Variants in ITIH4 observed in about 807,000 individuals in gnomAD.
ITIH4 encodes the protein inter-alpha-trypsin inhibitor heavy chain H4.
A neutral mutation model predicts 111.8 loss-of-function variants in ITIH4; 79 were observed. That is an observed-to-expected ratio of 0.71 (90% CI 0.59 to 0.85). ITIH4 has a LOEUF of 0.85. ITIH4 is among the 40% of genes least tolerant of loss of function. The probability of loss-of-function intolerance (pLI) is 0.00; values close to 1 mark genes in which losing one functional copy is unlikely to be tolerated. For synonymous variants in ITIH4, 472 were observed against 468.3 expected (o/e 1.01, Z -0.10); for missense variants, 1,065 against 1,195.8 (o/e 0.89, Z 1.61).
At position 52,827,178 on chromosome 3, in the gene ITIH4, AG is replaced by A; in HGVS notation, c.270del (p.Tyr91ThrfsTer71). On this transcript the variant is annotated frameshift_variant, in exon 3 of 24. Coordinates refer to ENST00000266041, the MANE Select transcript of ITIH4 (RefSeq NM_002218.5). LOFTEE classifies it high-confidence loss of function. ...TNFSMIIDGM[T>X]YPGIIKEKAE... ...GCCTTCTCCTTGATGATCCCTGGGTAGGTCATGCCATCGATGATCCTGGGGG... is the reference window on the plus strand; with the variant it reads ...GCCTTCTCCTTGATGATCCCTGGGTAGTCATGCCATCGATGATCCTGGGGG... 6.2e-7 allele frequency: 1 copy of A among 1,614,056 alleles called. No individual in the cohort carries two copies. The highest frequency in any genetic ancestry group is 2.2e-5 in the East Asian group (1 of 44,874).
In ITIH4 at chr3:52,819,447, G is replaced by A; in HGVS notation, c.2023C>T (p.Pro675Ser). 1 of 1,614,144 alleles carries A rather than the reference G, an allele frequency of 6.2e-7. No homozygotes were observed. The highest frequency in any genetic ancestry group is 2.2e-5 in the East Asian group (1 of 44,874). Residue 675 changes from proline (P) to serine (S), a missense_variant, in exon 17 of 24, where the codon CCT (proline) becomes TCT (serine). Pro to Ser is a moderately conservative substitution (Grantham distance 74). Transcript: ENST00000266041. ...LSSRQLGLPG[P>S]PDVPDHAAYH... ...GCAGCATGGTCAGGAACATCAGGAGGTCCTGGGAGTCCAAGTTGCCTGGAG... is the reference window on the plus strand; with the variant it reads ...GCAGCATGGTCAGGAACATCAGGAGATCCTGGGAGTCCAAGTTGCCTGGAG...
chr3:52,815,730 T>C (rs1700270104), intron 21 of ITIH4, among the ~76,000 whole-genome samples: 1 of 152,074 alleles, frequency 6.6e-6, no homozygotes. Context: ...TCTCACTCTG[T>C]TGCCCAGGCT....
chr3:52,828,203 G>A (rs1700515323), intron 2 of ITIH4, among the ~76,000 whole-genome samples: 1 of 152,240 alleles, frequency 6.6e-6, no homozygotes, highest in Admixed American at 6.5e-5. Flanking sequence ...GCAAGTGACA[G>A]TCTTGGGCTC....
At position 52,825,893 on chromosome 3, in the gene ITIH4, G is replaced by A; in HGVS notation, c.752C>T (p.Ser251Phe). The A allele has an allele frequency of 6.2e-7, 1 of 1,613,642 alleles. No individual in the cohort carries two copies. The highest frequency in any genetic ancestry group is 8.5e-7 in the Non-Finnish European group (1 of 1,179,766). ...YDVDRAISGG[S>F]IQIENGYFVH... ...TGCCTGAAGTCCACCCACCTGAATG[G>A]AGCCCCCGGAGATGGCCCGGTCCAC... is the stretch of plus-strand genomic sequence containing the variant. Residue 251 changes from serine to phenylalanine, a missense_variant, in exon 6 of 24, where the codon TCC (serine) becomes TTC (phenylalanine). Ser to Phe is a radical substitution (Grantham distance 155). Transcript: ENST00000266041.
chr3:52,818,184 C>G lies in ITIH4; in HGVS notation c.2180-16G>C. On this transcript the variant is annotated splice_polypyrimidine_tract_variant and intron_variant, in intron 19 of 23. Coordinates refer to ENST00000266041, the MANE Select transcript of ITIH4 (RefSeq NM_002218.5). Reference sequence around the variant, plus strand: ...TGTATGGGGGCTGGGACAGCCGGGGCACGGCTCCTGGAGCAGGAAGGGCAG... The same window carrying G: ...TGTATGGGGGCTGGGACAGCCGGGGGACGGCTCCTGGAGCAGGAAGGGCAG... 3.1e-6 allele frequency: 5 copies of G among 1,603,036 alleles called. No homozygotes were observed. The highest frequency in any genetic ancestry group is 1.3e-5 in the African/African-American group (1 of 74,832).
chr3:52,823,821 A>G lies in ITIH4; in HGVS notation c.1353+2T>C. 6.2e-7 allele frequency: 1 copy of G among 1,613,852 alleles called. No homozygotes were observed. Among genetic ancestry groups the G allele is most frequent in the East Asian group, 2.2e-5 (1 of 44,870 alleles). ...TGCAGCCCACCTGGGGCACACTGGC[A>G]CCTGGAGCTGCAGGGCAGAGTCTGA... On this transcript the variant is annotated splice_donor_variant, in intron 10 of 23. Transcript: ENST00000266041. LOFTEE classifies it high-confidence loss of function.
At chr3:52,819,901 T>A in intron 15 of ITIH4, 39 bp downstream of exon 15, 1 of 1,608,438 alleles carries the variant, frequency 6.2e-7, no homozygotes, top group Non-Finnish European at 8.5e-7. Context: ...CTGAGCCCAA[T>A]CTGTCAATCT....
rs1477029626 is a variant in ITIH4, at chr3:52,826,922, C to A, written c.388G>T (p.Val130Leu). Reference sequence around the variant, plus strand: ...GCATTGGGAGCCACACTGACCGACACCTGGAACTGCTCCATGTTTCTCCCG... The same window carrying A: ...GCATTGGGAGCCACACTGACCGACAACTGGAACTGCTCCATGTTTCTCCCG... Reference protein sequence around the residue: ...ATGRNMEQFQVSVSVAPNAKI... With the variant: ...ATGRNMEQFQLSVSVAPNAKI... Residue 130 changes from valine to leucine, a missense_variant, in exon 4 of 24, where the codon GTG becomes TTG. By Grantham distance (32) the Val-to-Leu change is conservative (BLOSUM62 1). Coordinates refer to ENST00000266041, the MANE Select transcript of ITIH4 (RefSeq NM_002218.5). 1 of 1,613,998 alleles carries A rather than the reference C, an allele frequency of 6.2e-7. No individual in the cohort carries two copies. The highest frequency in any genetic ancestry group is 2.2e-5 in the East Asian group (1 of 44,894).
Position 52,816,922 on chromosome 3 carries a change from C to G in ITIH4, c.2433G>C (p.Ala811=), listed in dbSNP as rs748664638. Residue 811 remains alanine, a synonymous_variant, in exon 21 of 24, where the codon GCG becomes GCC. Transcript: ENST00000266041. The part of the protein sequence containing the change: ...VVVTRNRRSS[A]YKWKETLFSV... ...AGAATAGCGTCTCCTTCCACTTGTA[C>G]GCAGAGCTTCTTCGGTTCCGAGTCA... The G allele has an allele frequency of 6.2e-7, 1 of 1,613,910 alleles. No individual in the cohort carries two copies.
At chr3:52,826,352 T>C (rs931723189) in intron 5 of ITIH4, among the ~76,000 whole-genome samples, 189 bp downstream of exon 5, 2 of 152,184 alleles carry the variant, frequency 1.3e-5, no homozygotes, top group Non-Finnish European at 2.9e-5. Context: ...GAGGACGCCA[T>C]GGTCCTTCTC....
At chr3:52,822,703 C>T (rs1029398879) in intron 11 of ITIH4, among the ~76,000 whole-genome samples, 2 of 152,160 alleles carry the variant, frequency 1.3e-5, no homozygotes, top group African/African-American at 4.8e-5. Flanking sequence ...CAGACCGTAC[C>T]AACAGTCATG....
chr3:52,823,046 G>A (rs1005140311), intron 11 of ITIH4, among the ~76,000 whole-genome samples: 2 of 152,152 alleles, frequency 1.3e-5, no homozygotes, highest in African/African-American at 4.8e-5. Flanking sequence ...TGCATCCCAG[G>A]GCCTGAAGAA....
chr3:52,824,436 T>C lies in ITIH4; in HGVS notation c.1006A>G (p.Lys336Glu), dbSNP rs1173110593. The stretch of plus-strand genomic sequence containing the variant: ...ATGCCCGCAGCAAAGCTCCTGGCCT[T>C]GTTCACGTTCTCGGCTGAGGCTGGC... ...LVPASAENVN[K>E]ARSFAAGIQA... The change falls in exon 8 of 24, where the codon AAG (lysine) becomes GAG (glutamate). Residue 336 changes from lysine (K) to glutamate (E), a missense_variant. Coordinates refer to ENST00000266041, the MANE Select transcript of ITIH4 (RefSeq NM_002218.5). This position sits in a 1 kb window ranked among gnomAD's most constrained non-coding sequence, Gnocchi z 4.3. The C allele has an allele frequency of 4.3e-6, 7 of 1,614,038 alleles. No homozygotes were observed. The highest frequency in any genetic ancestry group is 2.5e-6 in the Non-Finnish European group (3 of 1,180,024).
chr3:52,824,776 G>T lies in ITIH4; in HGVS notation c.876+66C>A. The T allele has an allele frequency of 2.2e-6, 3 of 1,381,592 alleles. No homozygotes were observed. The highest frequency in any genetic ancestry group is 2.0e-6 in the Non-Finnish European group (2 of 990,986). The allele number at this position is 1,381,592 out of a possible 1,614,324, so 85.6% of individuals were successfully genotyped here. On this transcript the variant is annotated intron_variant, in intron 7 of 23. Coordinates refer to ENST00000266041, the MANE Select transcript of ITIH4 (RefSeq NM_002218.5). This position sits in a 1 kb window ranked among gnomAD's most constrained non-coding sequence, Gnocchi z 4.3. ...GTGAAGCAAGGGGGTCTGCCTGCCG[G>T]ACCACAGCTGATAGCGTGAAGGGCC...
At chr3:52,822,610 G>A (rs1359772383) in intron 11 of ITIH4, among the ~76,000 whole-genome samples, 22 of 152,214 alleles carry the variant, frequency 1.4e-4, no homozygotes, top group Non-Finnish European at 3.2e-4. Flanking sequence ...GGAAACTGCA[G>A]TAGATGGAGG....
intron 13 of ITIH4, 63 bp from the exon 14 acceptor site, chr3:52,820,380 G>T: frequency 6.4e-7 from 1 of 1,562,690 alleles, no homozygotes; most frequent in Non-Finnish European, 8.8e-7. Flanking sequence ...CACCGTCAGG[G>T]TGGTTTTCAT....
rs747392677 is a variant in ITIH4 at position 52,816,926 on chromosome 3, G to C, written c.2429C>G (p.Ser810Cys). 6 of 1,614,052 alleles carry C rather than the reference G, an allele frequency of 3.7e-6. No homozygotes were observed. In the East Asian group the frequency reaches 1.1e-4, roughly 30 times the overall value. ...TAGCGTCTCCTTCCACTTGTACGCA[G>C]AGCTTCTTCGGTTCCGAGTCACCAC... ...HVVVTRNRRS[S>C]AYKWKETLFS... Residue 810 changes from serine to cysteine, a missense_variant, in exon 21 of 24, where the codon TCT becomes TGT. Coordinates refer to ENST00000266041, the MANE Select transcript of ITIH4 (RefSeq NM_002218.5).
Position 52,823,858 on chromosome 3 carries a change from T to A in ITIH4, c.1318A>T (p.Ile440Phe). ...AGGGCAGAGTCTGAGTCCTCATGGA[T>A]GCGCCGGGCCAGGCCGCCATTGTCC... Reference protein sequence around the residue: ...ALDNGGLARRIHEDSDSALQL... With the variant: ...ALDNGGLARRFHEDSDSALQL... The change falls in exon 10 of 24, where the codon ATC becomes TTC. Residue 440 changes from isoleucine to phenylalanine, a missense_variant. Ile to Phe is a conservative substitution (Grantham distance 21). Transcript: ENST00000266041. 6.2e-7 allele frequency: 1 copy of A among 1,613,788 alleles called. No homozygotes were observed. Among genetic ancestry groups the A allele is most frequent in the Non-Finnish European group, 8.5e-7 (1 of 1,179,988 alleles).
chr3:52,827,134 G>A lies in ITIH4; in HGVS notation c.315C>T (p.Tyr105=). The A allele has an allele frequency of 1.2e-6, 2 of 1,614,190 alleles. No homozygotes were observed. Among genetic ancestry groups the A allele is most frequent in the Non-Finnish European group, 1.7e-6 (2 of 1,180,038 alleles). ...TCTTTCCCTTGGCCACTGCTGCGCT[G>A]TACTGTGCCTGGGCTTCAGCCTTCT... is the stretch of plus-strand genomic sequence containing the variant. ...IKEKAEAQAQ[Y]SAAVAKGKSA... is the part of the protein sequence containing the mutation. The change falls in exon 3 of 24, where the codon TAC becomes TAT. Residue 105 remains tyrosine, a synonymous_variant. Coordinates refer to ENST00000266041, the MANE Select transcript of ITIH4 (RefSeq NM_002218.5).
Sources: gnomAD v4.1 joint callset for allele counts (sites outside exome capture counted in the v4.1 genomes callset) on GRCh38, gnomAD v4.1.1 for gene constraint, Gnocchi (gnomAD v3.1) non-coding constraint, MANE v1.5 for transcripts, NCBI Gene and HGNC (gene_info 2026-07-23, HGNC 2026-07-21) for gene names.